CNTN4: variants seen among roughly 807,000 people sequenced by gnomAD.
The protein encoded by CNTN4 is contactin-4.
A neutral mutation model predicts 122.5 loss-of-function variants in CNTN4; 77 were observed. The observed-to-expected ratio is 0.63, with a 90% CI of 0.52 to 0.76. The LOEUF (loss-of-function observed/expected upper bound fraction) is 0.76, where lower values mean the gene tolerates loss of function less well. CNTN4 is among the 30% of genes least tolerant of loss of function. The probability of loss-of-function intolerance (pLI) is 0.00; values close to 1 mark genes in which losing one functional copy is unlikely to be tolerated. For missense variants in CNTN4, 1,256 were observed against 1,259.1 expected (o/e 1.00, Z 0.04); for synonymous variants, 512 against 447.0 (o/e 1.15, Z -1.83).
chr3:2,357,588 G>T (rs1404878956), intron 3 of CNTN4, among the ~76,000 whole-genome samples: 1 of 152,310 alleles, frequency 6.6e-6, no homozygotes, highest in East Asian at 1.9e-4. Flanking sequence ...GCTGCAGAGA[G>T]ATTGTTGATT....
At chr3:2,711,420 A>T (rs1189397609) in intron 4 of CNTN4, among the ~76,000 whole-genome samples, 5 of 152,194 alleles carry the variant, frequency 3.3e-5, no homozygotes, top group Non-Finnish European at 7.3e-5. Flanking sequence ...TTTAAAATAT[A>T]TGAAAGCAGA....
chr3:2,546,181 G>C (rs937489935), intron 3 of CNTN4, among the ~76,000 whole-genome samples: 1 of 151,950 alleles, frequency 6.6e-6, no homozygotes, highest in Admixed American at 6.6e-5. Flanking sequence ...ATACCCAAAT[G>C]AATATAAATC....
At chr3:2,366,146 C>G (rs1032809227) in intron 3 of CNTN4, among the ~76,000 whole-genome samples, 14 of 152,150 alleles carry the variant, frequency 9.2e-5, no homozygotes, top group African/African-American at 3.1e-4. Flanking sequence ...ACTACTTTCT[C>G]TACTGGCAGC....
intron 3 of CNTN4, among the ~76,000 whole-genome samples, chr3:2,452,692 C>A (rs569364119): frequency 6.6e-6 from 1 of 152,062 alleles, no homozygotes; most frequent in East Asian, 1.9e-4. Flanking sequence ...TCAATCACTT[C>A]TGTTTATGAG....
chr3:2,922,484 G>A (rs533702024), intron 12 of CNTN4, among the ~76,000 whole-genome samples: 2 of 152,124 alleles, frequency 1.3e-5, no homozygotes, highest in East Asian at 1.9e-4. Flanking sequence ...TTCAAAAACT[G>A]ATGGAGTTCT....
chr3:2,927,256 C>T, intron 13 of CNTN4: 2 of 453,596 alleles, frequency 4.4e-6, no homozygotes, highest in Non-Finnish European at 4.4e-6. Flanking sequence ...ACCCTGAGTT[C>T]TGGCTTATAA....
chr3:3,035,033 T>C (rs372570159), intron 17 of CNTN4, among the ~76,000 whole-genome samples: 2 of 152,222 alleles, frequency 1.3e-5, no homozygotes, highest in African/African-American at 4.8e-5. Flanking sequence ...CCAGGCCAGA[T>C]TTGGTGGCTC....
intron 4 of CNTN4, among the ~76,000 whole-genome samples, chr3:2,636,513 AGAATT>A (rs2082664443): frequency 6.6e-6 from 1 of 152,226 alleles, no homozygotes; most frequent in Non-Finnish European, 1.5e-5. Flanking sequence ...AAACACATCT[AGAATT>A]GAAGTGTTTT....
chr3:2,225,650 C>G (rs1300529975), intron 2 of CNTN4, among the ~76,000 whole-genome samples: 8 of 152,218 alleles, frequency 5.3e-5, no homozygotes, highest in Non-Finnish European at 1.2e-4. Context: ...GCCTCTTCCA[C>G]AAGCACTCCA....
At chr3:2,533,821 G>A (rs370764004) in intron 3 of CNTN4, among the ~76,000 whole-genome samples, 68 of 152,224 alleles carry the variant, frequency 4.5e-4, no homozygotes, top group Non-Finnish European at 5.9e-5. Flanking sequence ...GTGAGATGGT[G>A]TCTCATTGTG....
In CNTN4 at chr3:2,841,780, T is replaced by C. The variant is rs2093366468; in HGVS notation, c.454+22199T>C. 6.6e-6 allele frequency among the ~76,000 whole-genome samples: 1 copy of C among 152,124 alleles called. No homozygotes were observed. Among genetic ancestry groups the C allele is most frequent in the Non-Finnish European group, 1.5e-5 (1 of 68,038 alleles). ...ATGATCATTTTCAGGAATTTTATTC[T>C]TCCTCCCTTGACCACAAATATTAAA... is the stretch of plus-strand genomic sequence containing the variant. On this transcript the variant is annotated intron_variant, in intron 7 of 24. Coordinates refer to ENST00000418658, the MANE Select transcript of CNTN4 (RefSeq NM_175607.3). This position sits in a 1 kb window ranked among gnomAD's most constrained non-coding sequence, Gnocchi z 4.8.
At chr3:2,155,502 C>T (rs1295712843) in intron 2 of CNTN4, among the ~76,000 whole-genome samples, 3 of 152,172 alleles carry the variant, frequency 2.0e-5, no homozygotes, top group Non-Finnish European at 2.9e-5. Flanking sequence ...TTTTCTTTTG[C>T]GAACACAGCT....
chr3:2,348,570 A>G (rs759417141), intron 3 of CNTN4, among the ~76,000 whole-genome samples: 8 of 152,100 alleles, frequency 5.3e-5, no homozygotes, highest in African/African-American at 1.9e-4. Context: ...GACCTTCAGC[A>G]TTCCATTTCC....
chr3:2,706,605 AAC>A (rs2086754846), intron 4 of CNTN4, among the ~76,000 whole-genome samples: 1 of 152,148 alleles, frequency 6.6e-6, no homozygotes, highest in African/African-American at 2.4e-5. Flanking sequence ...TGAAAAATGC[AAC>A]AGTTTGTTTC....
intron 3 of CNTN4, among the ~76,000 whole-genome samples, chr3:2,362,970 C>A (rs970838419): frequency 6.6e-6 from 1 of 150,428 alleles, no homozygotes; most frequent in Non-Finnish European, 1.5e-5. Context: ...TGTTTTTTTT[C>A]CTTTTTCTTT....
At chr3:2,672,428 A>T (rs76364091) in intron 4 of CNTN4, among the ~76,000 whole-genome samples, 11,189 of 152,182 alleles carry the variant, frequency 0.074, 582 homozygotes, top group African/African-American at 0.14. Flanking sequence ...GCGGGATATA[A>T]TCTCCTGGTT....
At position 2,210,984 on chromosome 3, in the gene CNTN4, A is replaced by G. The variant is rs142305147; in HGVS notation, c.-145+110345A>G. Among the ~76,000 whole-genome samples the G allele has an allele frequency of 4.8e-4, 73 of 152,310 alleles. No homozygotes were observed. The Middle Eastern group carries it at 0.01, about 21-fold the overall frequency. On this transcript the variant is annotated intron_variant, in intron 2 of 24. Transcript: ENST00000418658. ...AGAATTCTTGAATCACGCAGTGTGT[A>G]TTAGGCCATTTTTGCATTGCTGTCA... is the stretch of plus-strand genomic sequence containing the variant.
chr3:2,383,840 C>T (rs1186370197), intron 3 of CNTN4, among the ~76,000 whole-genome samples: 1 of 151,454 alleles, frequency 6.6e-6, no homozygotes, highest in African/African-American at 2.4e-5. Flanking sequence ...TATCTCACTC[C>T]ATATATATAT....
chr3:2,308,849 GA>G (rs1176790824), intron 2 of CNTN4, among the ~76,000 whole-genome samples: 2 of 151,834 alleles, frequency 1.3e-5, no homozygotes, highest in East Asian at 3.9e-4. Context: ...TAAAATGTAG[GA>G]AAAATGTATA....
Sources: gnomAD v4.1 joint callset for allele counts (sites outside exome capture counted in the v4.1 genomes callset) on GRCh38, gnomAD v4.1.1 for gene constraint, Gnocchi (gnomAD v3.1) non-coding constraint, MANE v1.5 for transcripts, NCBI Gene and HGNC (gene_info 2026-07-23, HGNC 2026-07-21) for gene names.